ATP6V0A1: variants seen among roughly 807,000 people sequenced by gnomAD.
The protein encoded by ATP6V0A1 is ATPase H+ transporting V0 subunit a1, also known as V-type proton ATPase 116 kDa subunit a 1.
In ATP6V0A1, 43 loss-of-function variants were observed where a neutral mutation model predicts 105.4. The observed-to-expected ratio is 0.41, with a 90% confidence interval of 0.32 to 0.53. The LOEUF (loss-of-function observed/expected upper bound fraction) is 0.53. Among genes scored for constraint, ATP6V0A1 ranks in the 20% least tolerant of loss-of-function variants. The pLI, the probability that ATP6V0A1 is intolerant of heterozygous loss-of-function variation, is 0.30. For synonymous variants in ATP6V0A1, 362 were observed against 372.8 expected (o/e 0.97, Z 0.33); for missense variants, 676 against 1,051.1 (o/e 0.64, Z 4.93).
intron 17 of ATP6V0A1, among the ~76,000 whole-genome samples, chr17:42,501,668 C>T (rs1196508318): frequency 1.3e-5 from 2 of 151,840 alleles, no homozygotes; most frequent in Non-Finnish European, 2.9e-5. Context: ...CCACCTTGGC[C>T]TCCCAAAGTG....
intron 5 of ATP6V0A1, among the ~76,000 whole-genome samples, chr17:42,474,517 T>C (rs1004754382): frequency 6.6e-6 from 1 of 152,138 alleles, no homozygotes; most frequent in African/African-American, 2.4e-5. Flanking sequence ...TTCCTTTCCA[T>C]AGACCTTGCC....
At position 42,458,930 on chromosome 17, in the gene ATP6V0A1, G is replaced by A. The variant is rs2086053890; in HGVS notation, c.-81G>A. On this transcript the variant is annotated 5_prime_UTR_variant, in exon 1 of 22. Coordinates refer to ENST00000343619, the MANE Select transcript of ATP6V0A1 (RefSeq NM_001130021.3). ...GGAGGGTGCGGGTTTGGCTGCGGTGGTTTCTGTGGCGGTTGCTGTGGCGGA... is the reference window on the plus strand; with the variant it reads ...GGAGGGTGCGGGTTTGGCTGCGGTGATTTCTGTGGCGGTTGCTGTGGCGGA... The A allele has an allele frequency of 6.5e-6, 1 of 153,448 alleles. No individual in the cohort carries two copies. The highest frequency in any genetic ancestry group is 1.5e-5 in the Non-Finnish European group (1 of 68,690). The allele number at this position is 153,448 out of a possible 1,614,324, so 9.5% of individuals were successfully genotyped here. A position where few individuals can be genotyped will look rare whatever the true frequency, so the allele number is the denominator to read the frequency against.
At chr17:42,519,945 T>A in intron 21 of ATP6V0A1, 1 of 161,912 alleles carries the variant, frequency 6.2e-6, no homozygotes, top group Non-Finnish European at 1.4e-5. Context: ...TCTGTAACCT[T>A]TGGGCCCCAG....
Position 42,461,011 on chromosome 17 carries a change from C to T in ATP6V0A1, c.117C>T (p.Asp39=), listed in dbSNP as rs372616123. Residue 39 remains aspartate (D), a splice_region_variant and synonymous_variant, in exon 2 of 22, where the codon GAC becomes GAT. Transcript: ENST00000343619. ...AACTTGGAAAGGTTCAGTTTCGTGA[C>T]GTAAGTAGTTGTGGGGCTGCGACTT... ...LGELGKVQFR[D]LNPDVNVFQR... is the part of the protein sequence containing the mutation. 2.2e-5 allele frequency: 35 copies of T among 1,611,180 alleles called. No homozygotes were observed. Among genetic ancestry groups the T allele is most frequent in the Admixed American group, 1.0e-4 (6 of 59,984 alleles).
At chr17:42,467,101 C>T (rs527352211) in intron 3 of ATP6V0A1, among the ~76,000 whole-genome samples, 8 of 151,240 alleles carry the variant, frequency 5.3e-5, no homozygotes, top group Non-Finnish European at 8.8e-5. Flanking sequence ...GAGCTGAGAT[C>T]GCACCACTGC....
At chr17:42,513,362 A>G (rs1276146004) in intron 19 of ATP6V0A1, 1 of 152,936 alleles carries the variant, frequency 6.5e-6, no homozygotes, top group Non-Finnish European at 1.5e-5. Context: ...GAATAAGTAA[A>G]GTGGCCATAG....
At chr17:42,477,782 T>C (rs767417767) in intron 6 of ATP6V0A1, 40 bp downstream of exon 6, 7 of 1,507,062 alleles carry the variant, frequency 4.6e-6, no homozygotes, top group East Asian at 2.3e-5. Context: ...AGTGGGGCCA[T>C]GTTCATCTCT....
In ATP6V0A1 at chr17:42,468,095, G is replaced by A. The variant is rs148759339; in HGVS notation, c.282G>A (p.Met94Ile). The A allele has an allele frequency of 4.5e-5, 71 of 1,593,988 alleles. No individual in the cohort carries two copies. The African/African-American group carries it at 7.4e-4, about 17-fold the overall frequency. ...CAGAGGTTCCCTTCCCCCGGGACAT[G>A]ATTGACTTAGAGGTAAACACTTCTG... is the stretch of plus-strand genomic sequence containing the variant. Reference protein sequence around the residue: ...ENPEVPFPRDMIDLEANFEKI... With the variant: ...ENPEVPFPRDIIDLEANFEKI... The change falls in exon 4 of 22, where the codon ATG becomes ATA. Residue 94 changes from methionine (M) to isoleucine (I), a missense_variant. Around this residue, in one of 3 missense-constraint regions of ATP6V0A1, gnomAD observed 239 missense variants for 388.4 expected, o/e 0.62. Transcript: ENST00000343619.
In ATP6V0A1 at chr17:42,470,106, T is replaced by C. The variant is rs2087694201; in HGVS notation, c.311T>C (p.Ile104Thr). 5 of 1,606,552 alleles carry C rather than the reference T, an allele frequency of 3.1e-6. No individual in the cohort carries two copies. The highest frequency in any genetic ancestry group is 1.7e-5 in the Admixed American group (1 of 59,134). ...MIDLEANFEK[I>T]ENELKEINTN... ...TTCATCTAGGCCAATTTTGAGAAGA[T>C]TGAAAATGAACTGAAGGAAATCAAC... The change falls in exon 5 of 22, where the codon ATT becomes ACT. Residue 104 changes from isoleucine to threonine, a missense_variant. Ile to Thr is a moderately conservative substitution (Grantham distance 89). Coordinates refer to ENST00000343619, the MANE Select transcript of ATP6V0A1 (RefSeq NM_001130021.3).
intron 6 of ATP6V0A1, 137 bp from the exon 7 acceptor site, chr17:42,478,326 G>A (rs2089025888): frequency 1.1e-5 from 6 of 522,684 alleles, no homozygotes; most frequent in Non-Finnish European, 1.5e-5. Flanking sequence ...GAACCTGCAC[G>A]TTGTGCACAT....
rs1490805927 is a variant in ATP6V0A1 at position 42,508,561 on chromosome 17, G to A, written c.2113-11G>A. ...GTGGCTCCCCACTAAGTGTAAATTT[G>A]TGTTTTCAAGCCTTCCGAGGACGAA... On this transcript the variant is annotated splice_polypyrimidine_tract_variant and intron_variant, in intron 18 of 21. Coordinates refer to ENST00000343619, the MANE Select transcript of ATP6V0A1 (RefSeq NM_001130021.3). The A allele has an allele frequency of 2.5e-6, 4 of 1,613,886 alleles. No individual in the cohort carries two copies. Among genetic ancestry groups the A allele is most frequent in the Admixed American group, 1.7e-5 (1 of 59,994 alleles).
At chr17:42,490,802 A>C (rs937958099) in intron 11 of ATP6V0A1, among the ~76,000 whole-genome samples, 165 bp downstream of exon 11, 1 of 151,920 alleles carries the variant, frequency 6.6e-6, no homozygotes, top group Non-Finnish European at 1.5e-5. Flanking sequence ...GATCCTCCCA[A>C]CTCAGTCTCC....
intron 3 of ATP6V0A1, among the ~76,000 whole-genome samples, chr17:42,467,032 A>G (rs1003251429): frequency 9.9e-5 from 15 of 152,104 alleles, no homozygotes; most frequent in African/African-American, 3.6e-4. Flanking sequence ...CTGTAATCCC[A>G]GCTACTGGGG....
At chr17:42,502,506 A>G (rs68058972) in intron 17 of ATP6V0A1, among the ~76,000 whole-genome samples, 18,922 of 152,260 alleles carry the variant, frequency 0.12, 1,529 homozygotes, top group South Asian at 0.21. Context: ...GCACACACAC[A>G]CACACACACA....
intron 9 of ATP6V0A1, among the ~76,000 whole-genome samples, chr17:42,486,914 A>G (rs1278263736): frequency 1.3e-5 from 2 of 152,244 alleles, no homozygotes; most frequent in African/African-American, 4.8e-5. Flanking sequence ...TTGAACATAT[A>G]TAGAAAAGCT....
chr17:42,465,524 A>C (rs963137669), intron 2 of ATP6V0A1, among the ~76,000 whole-genome samples: 2 of 151,842 alleles, frequency 1.3e-5, no homozygotes, highest in Non-Finnish European at 2.9e-5. Context: ...TCCTGACCTC[A>C]GGTGATCCAC....
Position 42,521,002 on chromosome 17 carries a change from C to G in ATP6V0A1, c.2421-25C>G, listed in dbSNP as rs116791017. 116 of 1,556,214 alleles carry G rather than the reference C, an allele frequency of 7.5e-5. No homozygotes were observed. The African/African-American group carries it at 1.6e-3, about 21-fold the overall frequency. On this transcript the variant is annotated intron_variant, in intron 21 of 21. Transcript: ENST00000343619. The surrounding 1 kb of genome is among the most constrained non-coding windows in gnomAD (Gnocchi z 4.8). ...GCTTCACAAAGTTTCTATTGAATGA[C>G]AGCTTTCTTCTTCTCTTTCTCCAGG...
intron 3 of ATP6V0A1, among the ~76,000 whole-genome samples, chr17:42,467,610 G>T (rs1026108941): frequency 2.0e-5 from 3 of 152,156 alleles, no homozygotes; most frequent in African/African-American, 7.2e-5. Flanking sequence ...AGTGTGTTAA[G>T]TGTCAAATAT....
intron 10 of ATP6V0A1, among the ~76,000 whole-genome samples, chr17:42,489,386 C>T (rs1235731074): frequency 6.6e-6 from 1 of 151,962 alleles, no homozygotes; most frequent in Non-Finnish European, 1.5e-5. Flanking sequence ...TGGCTCAAAG[C>T]AGTTTTAAAA....
Sources: gnomAD v4.1 joint callset for allele counts (sites outside exome capture counted in the v4.1 genomes callset) on GRCh38, gnomAD v4.1.1 for gene constraint, gnomAD v4.1.1 regional missense constraint, Gnocchi (gnomAD v3.1) non-coding constraint, MANE v1.5 for transcripts, NCBI Gene and HGNC (gene_info 2026-07-23, HGNC 2026-07-21) for gene names.